The following PTPRD variants were observed in gnomAD, a reference collection of about 807,000 sequenced individuals.
PTPRD encodes protein tyrosine phosphatase receptor type D.
In PTPRD, 34 loss-of-function variants were observed where a neutral mutation model predicts 214.5. The ratio of observed to expected loss-of-function variants is 0.16; its 90% CI spans 0.12 to 0.21. The LOEUF (loss-of-function observed/expected upper bound fraction) is 0.21. Among genes scored for constraint, PTPRD ranks in the 10% least tolerant of loss-of-function variants. PTPRD has a pLI of 1.00. For synonymous variants in PTPRD, 1,128 were observed against 845.7 expected, an observed-to-expected ratio of 1.33 and a Z score of -5.79; for missense variants, 2,545 against 2,398.7, an observed-to-expected ratio of 1.06 and a Z score of -1.27.
At chr9:8,441,835 A>C (rs534904627) in intron 34 of PTPRD, among the ~76,000 whole-genome samples, 1 of 152,200 alleles carries the variant, frequency 6.6e-6, no homozygotes, top group Admixed American at 6.5e-5. Context: ...AACTGTAGCT[A>C]CATGAGGAAT....
At chr9:9,959,878 CA>C (rs1210548355) in intron 4 of PTPRD, among the ~76,000 whole-genome samples, 5 of 152,076 alleles carry the variant, frequency 3.3e-5, no homozygotes, top group Non-Finnish European at 5.9e-5. Context: ...GGTATGAACT[CA>C]TATTTAGCAT....
At chr9:10,159,247 G>GATTTTTAAAAATCT (rs2099112583) in intron 3 of PTPRD, among the ~76,000 whole-genome samples, 1 of 151,748 alleles carries the variant, frequency 6.6e-6, no homozygotes, top group Non-Finnish European at 1.5e-5. Context: ...AAATCAACAG[G>GATTTTTAAAAATCT]TAAGTTAAAA....
rs2099978023 is a variant in PTPRD, at chr9:9,257,054, T to G, written c.-202-73691A>C. ...TCTGTGTCTTGTATCATATTAGATG[T>G]GTAAAACCTCCAATAAGAAATGTAT... On this transcript the variant is annotated intron_variant, in intron 9 of 45. Coordinates refer to ENST00000381196, the MANE Select transcript of PTPRD (RefSeq NM_002839.4). Among the ~76,000 whole-genome samples, 3 of 152,180 alleles carry G rather than the reference T, an allele frequency of 2.0e-5. No homozygotes were observed. The South Asian group carries it at 6.2e-4, about 32-fold the overall frequency.
chr9:10,227,920 A>G (rs945622171), intron 3 of PTPRD, among the ~76,000 whole-genome samples: 1 of 151,936 alleles, frequency 6.6e-6, no homozygotes, highest in East Asian at 1.9e-4. Flanking sequence ...TCAAATCTTC[A>G]TAATCTCTAA....
At chr9:9,658,167 T>C (rs1394052820) in intron 7 of PTPRD, among the ~76,000 whole-genome samples, 1 of 152,152 alleles carries the variant, frequency 6.6e-6, no homozygotes, top group East Asian at 1.9e-4. Context: ...TATGATGGTT[T>C]TCATCATTGA....
intron 5 of PTPRD, among the ~76,000 whole-genome samples, chr9:9,820,386 C>A (rs962806636): frequency 4.9e-4 from 75 of 152,072 alleles, no homozygotes; most frequent in African/African-American, 1.7e-3. Context: ...GAATATTAGG[C>A]CTTTGTTGGA....
At chr9:8,758,144 G>T (rs535742340) in intron 11 of PTPRD, among the ~76,000 whole-genome samples, 23 of 152,156 alleles carry the variant, frequency 1.5e-4, no homozygotes, top group Non-Finnish European at 3.1e-4. Flanking sequence ...GATGCAGGAA[G>T]GATTTTGAGG....
chr9:9,668,365 A>G (rs1170589400), intron 7 of PTPRD, among the ~76,000 whole-genome samples: 3 of 152,062 alleles, frequency 2.0e-5, no homozygotes, highest in Non-Finnish European at 4.4e-5. Flanking sequence ...ATTTGGGGAA[A>G]TTTTTGCTAA....
At chr9:9,111,747 C>A (rs143162801) in intron 10 of PTPRD, among the ~76,000 whole-genome samples, 1 of 152,102 alleles carries the variant, frequency 6.6e-6, no homozygotes, top group East Asian at 1.9e-4. Flanking sequence ...AGTGAAAATT[C>A]TTTTCCTTTT....
intron 5 of PTPRD, among the ~76,000 whole-genome samples, chr9:9,885,196 A>T (rs1312125925): frequency 6.6e-6 from 1 of 152,132 alleles, no homozygotes; most frequent in Non-Finnish European, 1.5e-5. Flanking sequence ...AGAAAAAAAG[A>T]AATTAAAGAA....
At chr9:9,321,137 T>G (rs1966257391) in intron 9 of PTPRD, among the ~76,000 whole-genome samples, 1 of 152,190 alleles carries the variant, frequency 6.6e-6, no homozygotes, top group African/African-American at 2.4e-5. Flanking sequence ...AATCTACGTA[T>G]GAAATAAAGA....
chr9:10,217,578 A>G (rs1470284376), intron 3 of PTPRD, among the ~76,000 whole-genome samples: 1 of 151,942 alleles, frequency 6.6e-6, no homozygotes, highest in Non-Finnish European at 1.5e-5. Context: ...GGCCACCACC[A>G]GTATATCTCA....
intron 4 of PTPRD, among the ~76,000 whole-genome samples, chr9:9,955,096 C>T (rs376300795): frequency 1.6e-4 from 25 of 152,266 alleles, no homozygotes; most frequent in South Asian, 1.2e-3. Flanking sequence ...AGGCAATCTA[C>T]TCCCATCATA....
intron 13 of PTPRD, 35 bp from the exon 14 acceptor site, chr9:8,633,493 T>G: frequency 6.2e-7 from 1 of 1,605,388 alleles, no homozygotes; most frequent in South Asian, 1.1e-5. Flanking sequence ...ACAGGTGTTG[T>G]TACAATTGTC....
intron 10 of PTPRD, among the ~76,000 whole-genome samples, chr9:9,181,978 G>A (rs2099928458): frequency 6.6e-6 from 1 of 151,994 alleles, no homozygotes; most frequent in South Asian, 2.1e-4. Flanking sequence ...ACATAAAGCA[G>A]AATGAGTAGT....
chr9:10,080,766 T>C (rs2098223760), intron 3 of PTPRD, among the ~76,000 whole-genome samples: 2 of 152,130 alleles, frequency 1.3e-5, no homozygotes, highest in South Asian at 4.1e-4. Context: ...AGAGAAGTGA[T>C]AAAATACTAT....
In PTPRD at chr9:10,438,008, C is replaced by CATTAT. The variant is rs2098732226; in HGVS notation, c.-599-96992_-599-96991insATAAT. Among the ~76,000 whole-genome samples, 3 of 125,140 alleles carry CATTAT rather than the reference C, an allele frequency of 2.4e-5. 1 individual carries two copies. The highest frequency in any genetic ancestry group is 1.2e-4 in the African/African-American group (3 of 25,944). 82.1% of individuals were successfully genotyped at this position (125,140 alleles called of 152,430 possible). On this transcript the variant is annotated intron_variant, in intron 2 of 45. Coordinates refer to ENST00000381196, the MANE Select transcript of PTPRD (RefSeq NM_002839.4). ...CTGGACTATCAGCTCCCTAAGTCTA[C>CATTAT]ATATATATATATATATATATAGTGA...
intron 9 of PTPRD, among the ~76,000 whole-genome samples, chr9:9,390,996 T>C (rs530184827): frequency 6.6e-6 from 1 of 152,314 alleles, no homozygotes; most frequent in South Asian, 2.1e-4. Flanking sequence ...CTTGATAAGA[T>C]AGTTTTTATT....
At chr9:10,490,553 T>G (rs1169202864) in intron 2 of PTPRD, among the ~76,000 whole-genome samples, 2 of 152,172 alleles carry the variant, frequency 1.3e-5, no homozygotes. Context: ...GCCTAAAGCA[T>G]TTTTGACATT....
Sources: allele counts gnomAD v4.1 joint callset (sites outside exome capture counted in the v4.1 genomes callset), GRCh38; gene constraint gnomAD v4.1.1; transcripts MANE v1.5; gene names NCBI Gene and HGNC (gene_info 2026-07-23, HGNC 2026-07-21).